Variants in NFRKB observed in about 807,000 individuals in gnomAD.
The protein encoded by NFRKB is nuclear factor related to kappaB binding protein.
A neutral mutation model predicts 135.7 loss-of-function variants in NFRKB; 62 were observed. That is an observed-to-expected ratio of 0.46 (90% CI 0.37 to 0.56). The LOEUF is 0.56. NFRKB is among the 20% of genes least tolerant of loss of function. NFRKB has a pLI of 0.00. For synonymous variants in NFRKB, 678 were observed against 635.6 expected (o/e 1.07, Z -1.00); for missense variants, 1,545 against 1,662.0 (o/e 0.93, Z 1.22).
At position 129,874,011 on chromosome 11, in the gene NFRKB, G is replaced by C. The variant is rs750092912; in HGVS notation, c.2284C>G (p.Leu762Val). The C allele has an allele frequency of 3.7e-5, 59 of 1,611,676 alleles. No individual in the cohort carries two copies. Among genetic ancestry groups the C allele is most frequent in the Non-Finnish European group, 4.6e-5 (54 of 1,178,794 alleles). Residue 762 changes from leucine (L) to valine (V), a missense_variant, in exon 22 of 27, where the codon CTT (leucine) becomes GTT (valine). This residue lies in a region of NFRKB where 753 missense variants were observed against 804.3 expected (regional missense o/e 0.94). Transcript: ENST00000682444. The surrounding 1 kb of genome is among the most constrained non-coding windows in gnomAD (Gnocchi z 4.5). ...SEPAKSSSGV[L>V]LVSSPTMPHL... ...GGCATTGTTGGTGAAGACACCAGAA[G>C]AACACTATGAAGAACATCGGGGAAA...
intron 24 of NFRKB, among the ~76,000 whole-genome samples, chr11:129,869,048 C>T (rs1948360147): frequency 6.6e-6 from 1 of 152,088 alleles, no homozygotes; most frequent in Non-Finnish European, 1.5e-5. Flanking sequence ...TAAAGCAAAT[C>T]ACAGAATATA....
At chr11:129,883,776 A>G (rs1317087152) in intron 8 of NFRKB, among the ~76,000 whole-genome samples, 1 of 151,806 alleles carries the variant, frequency 6.6e-6, no homozygotes, top group Non-Finnish European at 1.5e-5. Context: ...TCCTGGCTAT[A>G]GGACCAAGGA....
intron 4 of NFRKB, among the ~76,000 whole-genome samples, chr11:129,887,178 AC>A (rs1191710468): frequency 7.9e-5 from 12 of 152,206 alleles, no homozygotes; most frequent in Admixed American, 7.2e-4. Context: ...GCAAACTGTA[AC>A]TTAAAGAGTG....
chr11:129,881,099 GAA>G (rs2135661461), intron 13 of NFRKB, among the ~76,000 whole-genome samples: 1 of 152,264 alleles, frequency 6.6e-6, no homozygotes, highest in Non-Finnish European at 1.5e-5. Context: ...TTTTAGGAAA[GAA>G]AAAATTTATA....
At chr11:129,893,193 A>C (rs1949634137) in intron 2 of NFRKB, 1 of 701,330 alleles carries the variant, frequency 1.4e-6, no homozygotes, top group Non-Finnish European at 2.1e-6. Context: ...TATAATTTAC[A>C]CTTCCCAGAC....
chr11:129,886,534 A>G (rs550172693), intron 4 of NFRKB, 90 bp from the exon 5 acceptor site: 1 of 1,241,076 alleles, frequency 8.1e-7, no homozygotes, highest in Non-Finnish European at 1.2e-6. Context: ...TTAACATGGT[A>G]AACTCTGTAC....
intron 3 of NFRKB, among the ~76,000 whole-genome samples, chr11:129,891,700 T>G (rs1949567133): frequency 6.6e-6 from 1 of 152,244 alleles, no homozygotes; most frequent in South Asian, 2.1e-4. Flanking sequence ...TCTTAGTGAC[T>G]GCATTTTTAG....
In NFRKB at chr11:129,886,373, T is replaced by C. The variant is rs757050956; in HGVS notation, c.409A>G (p.Asn137Asp). 5.0e-6 allele frequency: 8 copies of C among 1,613,862 alleles called. No individual in the cohort carries two copies. The highest frequency in any genetic ancestry group is 6.8e-6 in the Non-Finnish European group (8 of 1,179,894). The change falls in exon 5 of 27, where the codon AAC (asparagine) becomes GAC (aspartate). Residue 137 changes from asparagine to aspartate, a missense_variant. By Grantham distance (23) the Asn-to-Asp change is conservative (BLOSUM62 1). This residue lies in a region of NFRKB where 678 missense variants were observed against 646.7 expected (regional missense o/e 1.05). Transcript: ENST00000682444. ...CFKSQYKRYL[N>D]SQQQYFHRLL... ...CGATGGAAATACTGCTGCTGGGAGT[T>C]GAGGTAGCGCTTGTACTGTGACTTG...
At chr11:129,892,917 G>T (rs987506230) in intron 2 of NFRKB, 47 bp from the exon 3 acceptor site, 2 of 1,612,326 alleles carry the variant, frequency 1.2e-6, no homozygotes, top group African/African-American at 2.7e-5. Context: ...AAATTCCAGG[G>T]ATCTAGTTGA....
chr11:129,873,965 G>C lies in NFRKB; in HGVS notation c.2330C>G (p.Ser777Cys), dbSNP rs771087086. The C allele has an allele frequency of 5.6e-6, 9 of 1,612,812 alleles. No homozygotes were observed. The East Asian group carries it at 2.0e-4, about 36-fold the overall frequency. ...PTMPHLGTML[S>C]PASSQTAPSS... ...GGGTGCAGTCTGGCTGGAAGCTGGG[G>C]AAAGCATTGTTCCCAGATGTGGCAT... The change falls in exon 22 of 27, where the codon TCC becomes TGC. Residue 777 changes from serine (S) to cysteine (C), a missense_variant. Around this residue, in one of 3 missense-constraint regions of NFRKB, gnomAD observed 753 missense variants for 804.3 expected, o/e 0.94. Transcript: ENST00000682444.
chr11:129,881,400 G>A (rs1286834683), intron 13 of NFRKB, 43 bp downstream of exon 13: 2 of 1,594,526 alleles, frequency 1.3e-6, no homozygotes, highest in South Asian at 2.2e-5. Context: ...GGAAGAAATG[G>A]GAGAACGAAA....
At chr11:129,884,677 C>G in intron 7 of NFRKB, 68 bp downstream of exon 7, 1 of 1,580,590 alleles carries the variant, frequency 6.3e-7, no homozygotes, top group Non-Finnish European at 8.7e-7. Flanking sequence ...ACCCACCTCC[C>G]TCTAAAGGAG....
chr11:129,885,516 G>T lies in NFRKB; in HGVS notation c.559C>A (p.Arg187=). The change falls in exon 6 of 27, where the codon CGG becomes AGG. Residue 187 remains arginine (R), a synonymous_variant. Coordinates refer to ENST00000682444, the MANE Select transcript of NFRKB (RefSeq NM_001143835.2). ...ACCTTCAAGTAGCGCTGCTGGGTCC[G>T]CCACTCCCGCTCCTCAGGTGTGCGG... The part of the protein sequence containing the change: ...PSRTPEEREW[R]TQQRYLKVLR... The T allele has an allele frequency of 1.2e-6, 2 of 1,614,092 alleles. No individual in the cohort carries two copies. The highest frequency in any genetic ancestry group is 1.7e-6 in the Non-Finnish European group (2 of 1,179,966).
At chr11:129,883,079 A>C in intron 9 of NFRKB, 43 bp downstream of exon 9, 4 of 1,582,498 alleles carry the variant, frequency 2.5e-6, no homozygotes, top group Non-Finnish European at 3.5e-6. Context: ...GCAACTTAAC[A>C]CCATAGTCAG....
At chr11:129,873,117 A>G (rs1650826) in intron 22 of NFRKB, 21 bp from the exon 23 acceptor site, 1,111,494 of 1,554,116 alleles carry the variant, frequency 0.72, 399,639 homozygotes, top group African/African-American at 0.92. Flanking sequence ...GCATGAGGCC[A>G]AGAGCTTAAT....
intron 23 of NFRKB, among the ~76,000 whole-genome samples, chr11:129,872,272 A>G (rs1033614960): frequency 2.6e-5 from 4 of 152,240 alleles, no homozygotes; most frequent in Admixed American, 2.0e-4. Context: ...ATGTACCATT[A>G]AATCTCCAAT....
Position 129,864,801 on chromosome 11 carries a change from G to C in NFRKB, c.3824C>G (p.Ser1275Cys), listed in dbSNP as rs901563410. ...AGTGGAGACTGCTTTGGAGGAGCCA[G>C]AAGCTGTTCCCTGTTGGAGATGGGA... is the stretch of plus-strand genomic sequence containing the variant. ...PASHLQQGTA[S>C]GSSKAVSTVV... The change falls in exon 27 of 27, where the codon TCT becomes TGT. Residue 1275 changes from serine to cysteine, a missense_variant. This residue lies in a region of NFRKB where 753 missense variants were observed against 804.3 expected (regional missense o/e 0.94). Coordinates refer to ENST00000682444, the MANE Select transcript of NFRKB (RefSeq NM_001143835.2). 18 of 1,614,138 alleles carry C rather than the reference G, an allele frequency of 1.1e-5. No individual in the cohort carries two copies. The African/African-American group carries it at 1.2e-4, about 11-fold the overall frequency.
chr11:129,885,658 T>C (rs763737161), intron 5 of NFRKB, 49 bp from the exon 6 acceptor site: 7 of 1,534,478 alleles, frequency 4.6e-6, no homozygotes, highest in Non-Finnish European at 6.2e-6. Context: ...AGACCTGTTC[T>C]GGAACAATGA....
intron 3 of NFRKB, among the ~76,000 whole-genome samples, chr11:129,891,687 C>T (rs142351644): frequency 1.3e-5 from 2 of 152,186 alleles, no homozygotes; most frequent in Non-Finnish European, 2.9e-5. Flanking sequence ...ACAGTGTACA[C>T]CCTCTTAGTG....
Sources: gnomAD v4.1 joint callset for allele counts (sites outside exome capture counted in the v4.1 genomes callset) on GRCh38, gnomAD v4.1.1 for gene constraint, gnomAD v4.1.1 regional missense constraint, Gnocchi (gnomAD v3.1) non-coding constraint, MANE v1.5 for transcripts, NCBI Gene and HGNC (gene_info 2026-07-23, HGNC 2026-07-21) for gene names.